Variants in SAE1 observed in about 807,000 individuals in gnomAD.
The protein encoded by SAE1 is SUMO-activating enzyme subunit 1.
In SAE1, 11 loss-of-function variants were observed where a neutral mutation model predicts 40.6. That is an observed-to-expected ratio of 0.27 (90% CI 0.17 to 0.45). The LOEUF (loss-of-function observed/expected upper bound fraction) is 0.45, where lower values mean the gene tolerates loss of function less well. Ranked by LOEUF, SAE1 falls within the 20% of genes least tolerant of loss-of-function variation. The pLI is 1.00. For synonymous variants in SAE1, 155 were observed against 154.3 expected (o/e 1.00, Z -0.03); for missense variants, 373 against 427.3 (o/e 0.87, Z 1.12).
At chr19:47,195,897 ATTTT>A (rs781205345) in intron 6 of SAE1, among the ~76,000 whole-genome samples, 3 of 135,504 alleles carry the variant, frequency 2.2e-5, no homozygotes, top group Non-Finnish European at 1.6e-5. Context: ...ACTTGGCTAA[ATTTT>A]TTTTTTTTTT....
chr19:47,166,277 G>C (rs999728629), intron 5 of SAE1, among the ~76,000 whole-genome samples: 2 of 152,120 alleles, frequency 1.3e-5, no homozygotes, highest in African/African-American at 2.4e-5. Context: ...AAGTGGGCAC[G>C]GATGGGGGCC....
intron 3 of SAE1, among the ~76,000 whole-genome samples, 186 bp downstream of exon 3, chr19:47,150,561 G>C (rs1190405241): frequency 1.3e-5 from 2 of 152,176 alleles, no homozygotes; most frequent in East Asian, 3.8e-4. Flanking sequence ...TTGCTAGAGA[G>C]GTCCAGTCTG....
chr19:47,143,751 G>C (rs185131073), intron 2 of SAE1, 146 bp downstream of exon 2: 1 of 635,574 alleles, frequency 1.6e-6, no homozygotes, highest in East Asian at 2.8e-5. Flanking sequence ...GAGACTGAAG[G>C]TGCTATTGTT....
At chr19:47,143,815 A>G (rs868854058) in intron 2 of SAE1, among the ~76,000 whole-genome samples, 1 of 151,896 alleles carries the variant, frequency 6.6e-6, no homozygotes, top group African/African-American at 2.4e-5. Flanking sequence ...AGAGACTCAC[A>G]CCCCCTCATT....
chr19:47,150,909 GTAAGTCAAATGA>G (rs2058283905), intron 3 of SAE1, among the ~76,000 whole-genome samples: 1 of 152,152 alleles, frequency 6.6e-6, no homozygotes, highest in Non-Finnish European at 1.5e-5. Context: ...CACTGTAGTC[GTAAGTCAAATGA>G]GGCATATCCA....
At chr19:47,159,565 T>A (rs978234689) in intron 5 of SAE1, among the ~76,000 whole-genome samples, 6 of 151,622 alleles carry the variant, frequency 4.0e-5, no homozygotes, top group Admixed American at 2.6e-4. Context: ...TTTTTTTTTT[T>A]CTTTGAAGCA....
chr19:47,158,847 G>A (rs2058339960), intron 5 of SAE1, among the ~76,000 whole-genome samples: 1 of 152,192 alleles, frequency 6.6e-6, no homozygotes, highest in Admixed American at 6.5e-5. Flanking sequence ...CAGTGGGTAA[G>A]GGCATAGGCT....
chr19:47,199,206 G>A (rs919476013), intron 7 of SAE1, among the ~76,000 whole-genome samples: 6 of 151,950 alleles, frequency 3.9e-5, no homozygotes, highest in African/African-American at 1.5e-4. Context: ...CTAACATGGT[G>A]AAACCCCATC....
intron 7 of SAE1, among the ~76,000 whole-genome samples, chr19:47,200,399 ATTTTTTTTTT>A (rs35657499): frequency 5.9e-5 from 6 of 102,560 alleles, no homozygotes; most frequent in African/African-American, 2.5e-4. Context: ...AGCCTGCCTA[ATTTTTTTTTT>A]TTTTTTTTTT....
chr19:47,203,617 A>T lies in SAE1; in HGVS notation c.879-54A>T, dbSNP rs76987767. ...CTACTACTGAATTTCTCCAGATGTC[A>T]TGGTCACAGTTCTGTTCCCAGTGCT... On this transcript the variant is annotated intron_variant, in intron 7 of 8. Transcript: ENST00000270225. The T allele has an allele frequency of 3.9e-6, 6 of 1,526,828 alleles. No individual in the cohort carries two copies. The South Asian group carries it at 6.8e-5, about 17-fold the overall frequency. The allele number at this position is 1,526,828 out of a possible 1,614,324, so 94.6% of individuals were successfully genotyped here. A position where few individuals can be genotyped will look rare whatever the true frequency, so the allele number is the denominator to read the frequency against.
chr19:47,186,504 C>T (rs1028084498), intron 6 of SAE1, among the ~76,000 whole-genome samples: 9 of 152,130 alleles, frequency 5.9e-5, no homozygotes, highest in Non-Finnish European at 1.0e-4. Flanking sequence ...ATTGAGCATT[C>T]GTGCTCCCCT....
chr19:47,150,831 A>T (rs2058283321), intron 3 of SAE1, among the ~76,000 whole-genome samples: 1 of 152,162 alleles, frequency 6.6e-6, no homozygotes, highest in Non-Finnish European at 1.5e-5. Context: ...CCTGATCTTG[A>T]TCTATGTCTG....
chr19:47,148,832 T>G (rs2123204422), intron 2 of SAE1, among the ~76,000 whole-genome samples: 1 of 149,852 alleles, frequency 6.7e-6, no homozygotes, highest in Admixed American at 6.6e-5. Flanking sequence ...CAGGCTGGTT[T>G]TGAACTCTGG....
At chr19:47,190,228 T>C (rs574272627) in intron 6 of SAE1, among the ~76,000 whole-genome samples, 3 of 152,324 alleles carry the variant, frequency 2.0e-5, no homozygotes, top group Non-Finnish European at 4.4e-5. Flanking sequence ...TACGATTTGA[T>C]GAGTCATCTT....
intron 6 of SAE1, among the ~76,000 whole-genome samples, chr19:47,190,741 C>T (rs2058573335): frequency 6.6e-6 from 1 of 152,140 alleles, no homozygotes; most frequent in Admixed American, 6.6e-5. Flanking sequence ...TTAATGCTGT[C>T]CTATTTCTTC....
chr19:47,164,483 A>C (rs1418361058), intron 5 of SAE1, among the ~76,000 whole-genome samples: 2 of 151,640 alleles, frequency 1.3e-5, no homozygotes, highest in Admixed American at 1.3e-4. Context: ...GCGTGATTTT[A>C]AATGTCTGTG....
intron 5 of SAE1, among the ~76,000 whole-genome samples, chr19:47,161,599 A>G (rs1481838530): frequency 1.3e-5 from 2 of 152,150 alleles, no homozygotes; most frequent in East Asian, 3.8e-4. Flanking sequence ...AATCTAAACA[A>G]TGACATGGAA....
Position 47,208,782 on chromosome 19 carries a change from C to T in SAE1, c.949-377C>T, listed in dbSNP as rs138693550. On this transcript the variant is annotated intron_variant, in intron 8 of 8. Coordinates refer to ENST00000270225, the MANE Select transcript of SAE1 (RefSeq NM_005500.3). ...ATGTTGCACAGACTGGTCTTGAATTCCTGGGCTCAAGTGATTCTCCCACCT... is the reference window on the plus strand; with the variant it reads ...ATGTTGCACAGACTGGTCTTGAATTTCTGGGCTCAAGTGATTCTCCCACCT... 3.7e-3 allele frequency among the ~76,000 whole-genome samples: 564 copies of T among 152,256 alleles called. 5 individuals are homozygous for T. Among genetic ancestry groups the T allele is most frequent in the African/African-American group, 0.013 (536 of 41,546 alleles).
chr19:47,191,095 C>A (rs992130987), intron 6 of SAE1, among the ~76,000 whole-genome samples: 1 of 152,166 alleles, frequency 6.6e-6, no homozygotes, highest in African/African-American at 2.4e-5. Context: ...TGTTTCTGAA[C>A]TTCAGTTTCC....
Sources: allele counts gnomAD v4.1 joint callset (sites outside exome capture counted in the v4.1 genomes callset), GRCh38; gene constraint gnomAD v4.1.1; transcripts MANE v1.5; gene names NCBI Gene and HGNC (gene_info 2026-07-23, HGNC 2026-07-21).